The following MED13 variants were observed in gnomAD, a reference collection of about 807,000 sequenced individuals.
The protein encoded by MED13 is mediator of RNA polymerase II transcription subunit 13.
Under a neutral mutation model 225.2 loss-of-function variants are expected in MED13, and 23 were observed. The ratio of observed to expected loss-of-function variants is 0.10; its 90% confidence interval spans 0.07 to 0.14. The LOEUF is 0.14. MED13 is among the 10% of genes least tolerant of loss of function. MED13 has a pLI of 1.00. For synonymous variants in MED13, 942 were observed against 889.2 expected (o/e 1.06, Z -1.06); for missense variants, 2,197 against 2,594.5 (o/e 0.85, Z 3.33).
At chr17:61,954,246 G>A (rs2079922003) in intron 26 of MED13, among the ~76,000 whole-genome samples, 2 of 152,002 alleles carry the variant, frequency 1.3e-5, no homozygotes, top group African/African-American at 4.8e-5. Context: ...TTAGAGATGT[G>A]AGAGTTTTTA....
chr17:61,955,940 T>C, intron 24 of MED13, 102 bp from the exon 25 acceptor site: 2 of 1,362,936 alleles, frequency 1.5e-6, no homozygotes, highest in South Asian at 1.9e-5. Context: ...AATATAAAAA[T>C]AGTTAATGGC....
chr17:61,965,489 C>A, intron 19 of MED13, 21 bp from the exon 20 acceptor site: 1 of 1,582,524 alleles, frequency 6.3e-7, no homozygotes, highest in Non-Finnish European at 8.6e-7. Context: ...AAAACAGGTA[C>A]GAAATTTAAT....
chr17:62,050,370 A>G (rs2080945726), intron 3 of MED13, among the ~76,000 whole-genome samples: 1 of 151,962 alleles, frequency 6.6e-6, no homozygotes, highest in South Asian at 2.1e-4. Flanking sequence ...GAAAAAAAAA[A>G]AAAAGGAAAA....
chr17:62,007,751 G>A (rs1269833810), intron 9 of MED13, among the ~76,000 whole-genome samples: 1 of 152,098 alleles, frequency 6.6e-6, no homozygotes, highest in Non-Finnish European at 1.5e-5. Context: ...GGGAGGCTGA[G>A]GCAGGAAAAT....
At position 61,998,356 on chromosome 17, in the gene MED13, T is replaced by C. The variant is rs531384170; in HGVS notation, c.1968-2991A>G. Among the ~76,000 whole-genome samples the C allele has an allele frequency of 2.0e-5, 3 of 152,296 alleles. 1 individual carries two copies. The East Asian group carries it at 5.8e-4, about 29-fold the overall frequency. ...GGAAGTGCTGCAAGGCCCAAAGCAT[T>C]ATATTATTCATTAATTGCAACTCTT... On this transcript the variant is annotated intron_variant, in intron 9 of 29. Transcript: ENST00000397786.
chr17:61,945,649 A>G lies in MED13; in HGVS notation c.*819T>C, dbSNP rs531222966. ...GTATATTGCCATCATGTTATTCTGTAAAGATGTGATATATAAAATGCTGTA... is the reference window on the plus strand; with the variant it reads ...GTATATTGCCATCATGTTATTCTGTGAAGATGTGATATATAAAATGCTGTA... On this transcript the variant is annotated 3_prime_UTR_variant, in exon 30 of 30. Transcript: ENST00000397786. 1.3e-5 allele frequency: 2 copies of G among 152,634 alleles called. No homozygotes were observed. Among genetic ancestry groups the G allele is most frequent in the Non-Finnish European group, 2.9e-5 (2 of 68,046 alleles). 9.5% of individuals were successfully genotyped at this position (152,634 alleles called of 1,614,324 possible). A position where few individuals can be genotyped will look rare whatever the true frequency, so the allele number is the denominator to read the frequency against.
chr17:62,021,029 A>C (rs370331694), intron 8 of MED13, among the ~76,000 whole-genome samples: 7 of 150,768 alleles, frequency 4.6e-5, no homozygotes, highest in East Asian at 3.9e-4. Context: ...CAACAGGATC[A>C]CAAGGCAGAA....
rs554042534 is a variant in MED13 at position 62,051,132 on chromosome 17, T to C, written c.470+1405A>G. Among the ~76,000 whole-genome samples the C allele has an allele frequency of 3.9e-5, 6 of 152,382 alleles. No homozygotes were observed. The East Asian group carries it at 1.2e-3, about 29-fold the overall frequency. ...TTTCTTCTTACTAACAAAAACTTCA[T>C]TTGTTCAGAGCAGCTGTTTCCAAAT... On this transcript the variant is annotated intron_variant, in intron 3 of 29. Transcript: ENST00000397786.
At chr17:62,012,737 GTA>G (rs2143597734) in intron 8 of MED13, among the ~76,000 whole-genome samples, 1 of 151,944 alleles carries the variant, frequency 6.6e-6, no homozygotes, top group Non-Finnish European at 1.5e-5. Context: ...TCCAGAAAGA[GTA>G]TTAAAAAGCA....
chr17:61,986,079 A>G (rs990331886), intron 12 of MED13, among the ~76,000 whole-genome samples: 2 of 152,182 alleles, frequency 1.3e-5, no homozygotes, highest in Non-Finnish European at 2.9e-5. Context: ...TCTGACTACA[A>G]TCTTTTATTT....
Position 61,955,760 on chromosome 17 carries a change from A to G in MED13, c.5702T>C (p.Ile1901Thr). Residue 1901 changes from isoleucine (I) to threonine (T), a missense_variant, in exon 25 of 30, where the codon ATA becomes ACA. Physicochemically the swap from Ile to Thr is moderately conservative, Grantham distance 89. Transcript: ENST00000397786. ...AATGCTAGGGGAGTCTGCAGCAGAT[A>G]TACCACACATTCTACACATGTCTTT... is the stretch of plus-strand genomic sequence containing the variant. ...RLKDMCRMCGISAADSPSILS... is the reference protein window; with the variant it reads ...RLKDMCRMCGTSAADSPSILS... 6.2e-7 allele frequency: 1 copy of G among 1,612,770 alleles called. No individual in the cohort carries two copies. The highest frequency in any genetic ancestry group is 1.1e-5 in the South Asian group (1 of 90,746).
chr17:62,054,104 C>G (rs189971254), intron 2 of MED13, among the ~76,000 whole-genome samples: 4 of 151,922 alleles, frequency 2.6e-5, no homozygotes, highest in African/African-American at 9.7e-5. Context: ...GTCAGGAGTT[C>G]AAGACCAGCC....
At chr17:62,020,708 A>ATTTTTTTTTTTTTTTT (rs2080633864) in intron 8 of MED13, among the ~76,000 whole-genome samples, 1 of 97,900 alleles carries the variant, frequency 1.0e-5, no homozygotes, top group Non-Finnish European at 2.0e-5. Flanking sequence ...TTTTTTTTTA[A>ATTTTTTTTTTTTTTTT]TTGATCATTC....
chr17:61,953,156 T>C lies in MED13; in HGVS notation c.5969-43A>G, dbSNP rs376476528. 8.1e-5 allele frequency: 127 copies of C among 1,570,864 alleles called. No individual in the cohort carries two copies. In the African/African-American group the frequency reaches 1.5e-3, roughly 18 times the overall value. ...AAGAAATTTAAAACTCCATTTTCCATATCCTATGGTCATTCACAGGAAAGG... is the reference window on the plus strand; with the variant it reads ...AAGAAATTTAAAACTCCATTTTCCACATCCTATGGTCATTCACAGGAAAGG... On this transcript the variant is annotated intron_variant, in intron 26 of 29. Transcript: ENST00000397786.
At chr17:61,961,840 T>TG in intron 21 of MED13, 61 bp from the exon 22 acceptor site, 1 of 1,487,608 alleles carries the variant, frequency 6.7e-7, no homozygotes, top group Non-Finnish European at 9.2e-7. Flanking sequence ...ACAGGAACTG[T>TG]GGGTCTAAAA....
chr17:62,000,486 A>T (rs2143540649), intron 9 of MED13, among the ~76,000 whole-genome samples: 1 of 152,350 alleles, frequency 6.6e-6, no homozygotes, highest in South Asian at 2.1e-4. Flanking sequence ...AAAGTCATGT[A>T]GTACAAAAAG....
chr17:61,999,807 A>C (rs1020984942), intron 9 of MED13, among the ~76,000 whole-genome samples: 3 of 152,326 alleles, frequency 2.0e-5, no homozygotes, highest in Admixed American at 6.5e-5. Context: ...CTGTAATCCC[A>C]GCGCTTTGGG....
chr17:61,946,805 C>T (rs1266473261), intron 29 of MED13, 112 bp downstream of exon 29: 2 of 1,089,934 alleles, frequency 1.8e-6, no homozygotes, highest in East Asian at 2.4e-5. Flanking sequence ...ATCTAGAGAT[C>T]CACTGGTACA....
chr17:62,025,886 CTT>C (rs2143657074), intron 8 of MED13, among the ~76,000 whole-genome samples: 1 of 152,296 alleles, frequency 6.6e-6, no homozygotes, highest in African/African-American at 2.4e-5. Flanking sequence ...AGTTGCCAGA[CTT>C]TTAAAAATTA....
Sources: gnomAD v4.1 joint callset for allele counts (sites outside exome capture counted in the v4.1 genomes callset) on GRCh38, gnomAD v4.1.1 for gene constraint, MANE v1.5 for transcripts, NCBI Gene and HGNC (gene_info 2026-07-23, HGNC 2026-07-21) for gene names.